The following AFG2A variants were observed in gnomAD, a reference collection of about 807,000 sequenced individuals.
AFG2A encodes AAA ATPase AFG2A, also known as ATPase family gene 2 protein homolog A.
At chr4:122,972,540 C>CT in the AFG2A span, among the ~76,000 whole-genome samples, 5,979 of 141,632 alleles carry the variant, frequency 0.042, 147 homozygotes, top group Middle Eastern at 0.058. Flanking sequence ...GACTGTCAGT[C>CT]TTTTTTTTTT....
At chr4:123,241,040 G>T in the AFG2A span, among the ~76,000 whole-genome samples, 6 of 152,198 alleles carry the variant, frequency 3.9e-5, no homozygotes, top group South Asian at 8.3e-4. Flanking sequence ...TAGAAGAAAT[G>T]GATAAATTCC....
At chr4:123,037,697 G>A in the AFG2A span, among the ~76,000 whole-genome samples, 3 of 151,980 alleles carry the variant, frequency 2.0e-5, no homozygotes, top group South Asian at 2.1e-4. Flanking sequence ...TTTGCCACTC[G>A]ATCTGCTCAC....
At chr4:123,107,424 C>T in the AFG2A span, among the ~76,000 whole-genome samples, 1 of 152,202 alleles carries the variant, frequency 6.6e-6, no homozygotes, top group Non-Finnish European at 1.5e-5. Context: ...TGAAGTCTCT[C>T]CAAGTCTGGC....
the AFG2A span, among the ~76,000 whole-genome samples, chr4:122,971,246 A>C: frequency 1.4e-3 from 216 of 152,222 alleles, no homozygotes; most frequent in African/African-American, 4.5e-3. Context: ...ATCTCTACAG[A>C]AAATTTACAG....
chr4:123,261,006 G>T, the AFG2A span, among the ~76,000 whole-genome samples: 2 of 152,178 alleles, frequency 1.3e-5, no homozygotes, highest in Non-Finnish European at 1.5e-5. Context: ...ACCCTATTGT[G>T]AACTATGCGT....
chr4:123,002,460 GT>G, the AFG2A span, among the ~76,000 whole-genome samples: 8 of 152,270 alleles, frequency 5.3e-5, no homozygotes, highest in East Asian at 1.5e-3. Context: ...GCCTTTCCAT[GT>G]TTAGTGCTTC....
the AFG2A span, among the ~76,000 whole-genome samples, chr4:123,087,996 A>T: frequency 0.02 from 2,991 of 152,300 alleles, 48 homozygotes; most frequent in Middle Eastern, 0.037. Context: ...TCTCAAAAAC[A>T]CAAATCTGAT....
At chr4:123,265,174 A>C in the AFG2A span, among the ~76,000 whole-genome samples, 3 of 152,084 alleles carry the variant, frequency 2.0e-5, no homozygotes, top group African/African-American at 7.2e-5. Flanking sequence ...TTGAAGGCCT[A>C]GTGATTTTTT....
chr4:123,293,072 T>G, the AFG2A span, among the ~76,000 whole-genome samples: 1 of 152,136 alleles, frequency 6.6e-6, no homozygotes, highest in Non-Finnish European at 1.5e-5. Flanking sequence ...TTCTGGATAT[T>G]CAGATCAGAC....
At chr4:122,977,015 C>T in the AFG2A span, among the ~76,000 whole-genome samples, 4 of 152,180 alleles carry the variant, frequency 2.6e-5, no homozygotes, top group African/African-American at 7.2e-5. Context: ...TTATTCTTCA[C>T]ATTCTTCCAC....
At chr4:123,087,958 TCTC>T in the AFG2A span, among the ~76,000 whole-genome samples, 1 of 152,130 alleles carries the variant, frequency 6.6e-6, no homozygotes, top group Admixed American at 6.5e-5. Flanking sequence ...TATTGTCTCT[TCTC>T]TACACTGCAG....
the AFG2A span, among the ~76,000 whole-genome samples, chr4:123,018,015 C>T: frequency 6.6e-6 from 1 of 152,138 alleles, no homozygotes; most frequent in Non-Finnish European, 1.5e-5. Context: ...GGAATTTGTC[C>T]ATAAAAGTAT....
At chr4:123,258,897 G>A in the AFG2A span, among the ~76,000 whole-genome samples, 2 of 121,468 alleles carry the variant, frequency 1.6e-5, no homozygotes, top group African/African-American at 3.2e-5. Context: ...ACAGAGTTTC[G>A]CCCTTGTATC....
At chr4:122,951,955 C>T in the AFG2A span, among the ~76,000 whole-genome samples, 1 of 152,160 alleles carries the variant, frequency 6.6e-6, no homozygotes, top group Admixed American at 6.5e-5. Context: ...GAGCTCTGAG[C>T]TCAAGGGGCT....
At chr4:123,295,936 G>C in the AFG2A span, among the ~76,000 whole-genome samples, 1 of 152,180 alleles carries the variant, frequency 6.6e-6, no homozygotes, top group Non-Finnish European at 1.5e-5. Context: ...ATAAAGCAGA[G>C]AAAAGCGTGA....
chr4:123,257,987 C>G, the AFG2A span, among the ~76,000 whole-genome samples: 2 of 152,202 alleles, frequency 1.3e-5, no homozygotes, highest in Non-Finnish European at 2.9e-5. Flanking sequence ...CTTATTTAAT[C>G]TAACATGTAA....
chr4:123,172,750 G>T, the AFG2A span, among the ~76,000 whole-genome samples: 1 of 151,950 alleles, frequency 6.6e-6, no homozygotes, highest in African/African-American at 2.4e-5. Context: ...ATGTTGCTTT[G>T]TTGGTTTACA....
chr4:123,015,151 G>A, the AFG2A span, among the ~76,000 whole-genome samples: 2 of 150,480 alleles, frequency 1.3e-5, no homozygotes, highest in Admixed American at 6.6e-5. Context: ...CAGAGTCCTC[G>A]AGTGATTTTT....
chr4:122,942,898 T>C, the AFG2A span, among the ~76,000 whole-genome samples: 1 of 151,716 alleles, frequency 6.6e-6, no homozygotes, highest in Non-Finnish European at 1.5e-5. Context: ...ATGTACCCAG[T>C]AGTCATTCAG....
Sources: allele counts gnomAD v4.1 joint callset (sites outside exome capture counted in the v4.1 genomes callset), GRCh38; gene constraint gnomAD v4.1.1; transcripts MANE v1.5; gene names NCBI Gene and HGNC (gene_info 2026-07-23, HGNC 2026-07-21).